Variants in CSTPP1 observed in about 807,000 individuals in gnomAD.
The protein encoded by CSTPP1 is UPF0705 protein C11orf49.
At chr11:46,944,317 C>CA in the CSTPP1 span, among the ~76,000 whole-genome samples, 16,820 of 77,196 alleles carry the variant, frequency 0.22, 3,671 homozygotes, top group African/African-American at 0.53. Flanking sequence ...GACTGCTTCT[C>CA]AAAAAAAAAA....
the CSTPP1 span, among the ~76,000 whole-genome samples, chr11:47,104,837 A>C: frequency 6.6e-6 from 1 of 152,222 alleles, no homozygotes; most frequent in East Asian, 1.9e-4. Flanking sequence ...GCTGCAGGGT[A>C]AGGCAGTCTG....
chr11:46,997,186 G>A, the CSTPP1 span, among the ~76,000 whole-genome samples: 3 of 152,292 alleles, frequency 2.0e-5, no homozygotes, highest in East Asian at 1.9e-4. Context: ...TTACTTTCAG[G>A]TACACCAATC....
At chr11:47,114,060 A>C in the CSTPP1 span, among the ~76,000 whole-genome samples, 13 of 152,320 alleles carry the variant, frequency 8.5e-5, no homozygotes, top group Admixed American at 2.0e-4. Flanking sequence ...TCAGCTTTCT[A>C]CATATGGCTA....
the CSTPP1 span, among the ~76,000 whole-genome samples, chr11:47,012,237 A>G: frequency 2.0e-5 from 3 of 152,210 alleles, no homozygotes; most frequent in African/African-American, 7.2e-5. Flanking sequence ...AACCTGGGCA[A>G]CAGAGTGAGA....
the CSTPP1 span, among the ~76,000 whole-genome samples, chr11:47,126,792 C>T: frequency 1.3e-5 from 2 of 151,218 alleles, no homozygotes; most frequent in Admixed American, 6.6e-5. Context: ...ATTAGCCAGG[C>T]GTGGTGGTGT....
the CSTPP1 span, among the ~76,000 whole-genome samples, chr11:47,144,114 T>C: frequency 6.6e-6 from 1 of 152,184 alleles, no homozygotes; most frequent in African/African-American, 2.4e-5. Context: ...AGTAACTAAC[T>C]CATAGGGTGT....
the CSTPP1 span, among the ~76,000 whole-genome samples, chr11:46,988,523 C>T: frequency 6.6e-5 from 10 of 151,630 alleles, no homozygotes. Context: ...AACAATTAAA[C>T]TCATGGACAA....
the CSTPP1 span, among the ~76,000 whole-genome samples, chr11:46,943,917 A>G: frequency 6.6e-6 from 1 of 152,136 alleles, no homozygotes; most frequent in Admixed American, 6.5e-5. Context: ...GTTACTCAGG[A>G]GGCGGAGGTG....
At chr11:47,048,093 G>A in the CSTPP1 span, among the ~76,000 whole-genome samples, 2 of 152,226 alleles carry the variant, frequency 1.3e-5, no homozygotes, top group South Asian at 2.1e-4. Context: ...AAAACAGTTC[G>A]GTTGTTTCTC....
At chr11:47,136,474 G>A in the CSTPP1 span, among the ~76,000 whole-genome samples, 1 of 152,146 alleles carries the variant, frequency 6.6e-6, no homozygotes, top group East Asian at 1.9e-4. Flanking sequence ...TTGGCAGTGT[G>A]GTTAGTCAAA....
the CSTPP1 span, among the ~76,000 whole-genome samples, chr11:47,016,402 AAC>A: frequency 0.63 from 87,502 of 138,082 alleles, 27,858 homozygotes; most frequent in Middle Eastern, 0.68. Flanking sequence ...AAAAACAAAA[AAC>A]AAAAAACAAA....
At chr11:47,094,362 T>C in the CSTPP1 span, among the ~76,000 whole-genome samples, 24 of 152,200 alleles carry the variant, frequency 1.6e-4, no homozygotes, top group African/African-American at 5.5e-4. Context: ...GTTACAGTTA[T>C]GCAAGATGAA....
the CSTPP1 span, among the ~76,000 whole-genome samples, chr11:47,135,988 T>C: frequency 6.6e-6 from 1 of 151,918 alleles, no homozygotes; most frequent in African/African-American, 2.4e-5. Flanking sequence ...TCTCTCTCTC[T>C]CTCTCTCTCA....
At chr11:47,084,296 T>G in the CSTPP1 span, among the ~76,000 whole-genome samples, 11 of 152,248 alleles carry the variant, frequency 7.2e-5, no homozygotes, top group African/African-American at 2.4e-4. Context: ...CTTTACACAT[T>G]CTGGTTACAA....
chr11:47,030,081 C>T, the CSTPP1 span, among the ~76,000 whole-genome samples: 1 of 152,142 alleles, frequency 6.6e-6, no homozygotes, highest in Non-Finnish European at 1.5e-5. Context: ...GAGCTATGAT[C>T]GTACTACTGT....
the CSTPP1 span, among the ~76,000 whole-genome samples, chr11:47,033,216 A>G: frequency 9.8e-6 from 1 of 102,218 alleles, no homozygotes; most frequent in Non-Finnish European, 2.1e-5. Context: ...ATGAAAACAC[A>G]TGGTGATTTC....
chr11:46,945,690 C>T, the CSTPP1 span, among the ~76,000 whole-genome samples: 2 of 152,090 alleles, frequency 1.3e-5, no homozygotes, highest in African/African-American at 4.8e-5. Flanking sequence ...TTTTCCTCCC[C>T]CTACCCTTCT....
chr11:46,982,753 C>A, the CSTPP1 span, among the ~76,000 whole-genome samples: 3 of 152,040 alleles, frequency 2.0e-5, no homozygotes, highest in Non-Finnish European at 2.9e-5. Flanking sequence ...GCCCAAGAAT[C>A]CTTGAAGATA....
the CSTPP1 span, chr11:47,162,293 G>T: frequency 1.0e-6 from 1 of 982,452 alleles, no homozygotes; most frequent in Non-Finnish European, 1.2e-6. Flanking sequence ...GGGAGAGGGG[G>T]AGTTTGGGTT....
Sources: allele counts gnomAD v4.1 joint callset (sites outside exome capture counted in the v4.1 genomes callset), GRCh38; gene constraint gnomAD v4.1.1; transcripts MANE v1.5; gene names NCBI Gene and HGNC (gene_info 2026-07-23, HGNC 2026-07-21).